The following TGS1 variants were observed in gnomAD, a reference collection of about 807,000 sequenced individuals.
TGS1 encodes trimethylguanosine synthase.
TGS1 carries 69 observed loss-of-function variants against 92.2 expected under a neutral mutation model. That is an observed-to-expected ratio of 0.75 (90% CI 0.62 to 0.91). TGS1 has a LOEUF of 0.91. Among genes scored for constraint, TGS1 ranks in the 40% least tolerant of loss-of-function variants. TGS1 has a pLI of 0.00. For synonymous variants in TGS1, 345 were observed against 338.1 expected, an observed-to-expected ratio of 1.02 and a Z score of -0.22; for missense variants, 1,062 against 1,001.2, an observed-to-expected ratio of 1.06 and a Z score of -0.82.
intron 1 of TGS1, among the ~76,000 whole-genome samples, chr8:55,775,326 C>G (rs953486974): frequency 3.3e-5 from 5 of 152,010 alleles, no homozygotes; most frequent in East Asian, 3.9e-4. Flanking sequence ...AGGGTCAAAA[C>G]CCGCAGGACT....
intron 12 of TGS1, among the ~76,000 whole-genome samples, chr8:55,815,245 T>C (rs1250762663): frequency 1.3e-5 from 2 of 152,222 alleles, no homozygotes; most frequent in African/African-American, 4.8e-5. Flanking sequence ...TGGTGATTCA[T>C]GTTTTTTTGC....
chr8:55,817,158 T>C (rs1038678764), intron 12 of TGS1, among the ~76,000 whole-genome samples: 1 of 152,208 alleles, frequency 6.6e-6, no homozygotes, highest in African/African-American at 2.4e-5. Context: ...CCACCACGCC[T>C]GGCCCTCATC....
At chr8:55,790,966 TTCTCTCTCTC>T (rs3058135) in intron 5 of TGS1, among the ~76,000 whole-genome samples, 1 of 149,580 alleles carries the variant, frequency 6.7e-6, no homozygotes, top group East Asian at 2.0e-4. Flanking sequence ...AATTCATATC[TTCTCTCTCTC>T]TCTCTCTCTC....
At chr8:55,822,361 C>T (rs765845104) in intron 12 of TGS1, among the ~76,000 whole-genome samples, 1 of 152,134 alleles carries the variant, frequency 6.6e-6, no homozygotes, top group Non-Finnish European at 1.5e-5. Context: ...TGAGCCACAG[C>T]GCCCGGCCTA....
rs931465840 is a variant in TGS1 at position 55,773,528 on chromosome 8, C to T, written c.-91C>T. 6 of 924,016 alleles carry T rather than the reference C, an allele frequency of 6.5e-6. No individual in the cohort carries two copies. The highest frequency in any genetic ancestry group is 1.6e-5 in the South Asian group (1 of 63,592). 57.2% of individuals were successfully genotyped at this position (924,016 alleles called of 1,614,324 possible). A position where few individuals can be genotyped will look rare whatever the true frequency, so the allele number is the denominator to read the frequency against. On this transcript the variant is annotated 5_prime_UTR_variant, in exon 1 of 13. Coordinates refer to ENST00000260129, the MANE Select transcript of TGS1 (RefSeq NM_024831.8). The stretch of plus-strand genomic sequence containing the variant: ...TATCTCCTCATCCAGGGCTTGCGGG[C>T]GAGGCCTGTTTTAAGTCTCCAGTAA...
chr8:55,815,980 C>G (rs1391128353), intron 12 of TGS1, among the ~76,000 whole-genome samples: 2 of 151,550 alleles, frequency 1.3e-5, no homozygotes, highest in Non-Finnish European at 2.9e-5. Flanking sequence ...TAGGGTTTCT[C>G]TCTGTCACGC....
At chr8:55,780,469 CCT>C (rs2130108025) in intron 1 of TGS1, among the ~76,000 whole-genome samples, 1 of 152,266 alleles carries the variant, frequency 6.6e-6, no homozygotes, top group East Asian at 1.9e-4. Context: ...CTCTGTGTGG[CCT>C]CAGGAGGCAC....
In TGS1 at chr8:55,773,484, G is replaced by C. The variant is rs1353226925; in HGVS notation, c.-135G>C. 1.7e-6 allele frequency: 1 copy of C among 597,814 alleles called. No individual in the cohort carries two copies. Among genetic ancestry groups the C allele is most frequent in the Non-Finnish European group, 2.8e-6 (1 of 361,158 alleles). The allele number at this position is 597,814 out of a possible 1,614,324, so 37.0% of individuals were successfully genotyped here. A position where few individuals can be genotyped will look rare whatever the true frequency, so the allele number is the denominator to read the frequency against. On this transcript the variant is annotated 5_prime_UTR_variant, in exon 1 of 13. Coordinates refer to ENST00000260129, the MANE Select transcript of TGS1 (RefSeq NM_024831.8). The stretch of plus-strand genomic sequence containing the variant: ...GCGTCCGGGCTAGTTCCCGGCGCGA[G>C]CGGCCGCGGGCCAGTTTCTATCTCC...
intron 12 of TGS1, among the ~76,000 whole-genome samples, chr8:55,818,564 G>T (rs2130252429): frequency 6.6e-6 from 1 of 152,302 alleles, no homozygotes; most frequent in Non-Finnish European, 1.5e-5. Flanking sequence ...TTTTCCCTTG[G>T]GAAGTTTGCT....
Position 55,785,138 on chromosome 8 carries a change from C to T in TGS1, c.167-581C>T, listed in dbSNP as rs557442838. On this transcript the variant is annotated intron_variant, in intron 2 of 12. Coordinates refer to ENST00000260129, the MANE Select transcript of TGS1 (RefSeq NM_024831.8). ...GGGGTGCAGTGGCACAATCTTGGCTCACTGCAACCTCTGTCTCCCAGGTTC... is the reference window on the plus strand; with the variant it reads ...GGGGTGCAGTGGCACAATCTTGGCTTACTGCAACCTCTGTCTCCCAGGTTC... Among the ~76,000 whole-genome samples the T allele has an allele frequency of 2.0e-5, 3 of 151,320 alleles. No homozygotes were observed. In the East Asian group the frequency reaches 5.8e-4, roughly 29 times the overall value.
chr8:55,822,969 G>C (rs542613148), intron 12 of TGS1, among the ~76,000 whole-genome samples: 1 of 152,172 alleles, frequency 6.6e-6, no homozygotes, highest in Non-Finnish European at 1.5e-5. Context: ...CTATAATTTT[G>C]CTGATTACAG....
intron 10 of TGS1, among the ~76,000 whole-genome samples, chr8:55,807,505 G>GT (rs1370643302): frequency 2.0e-5 from 3 of 149,508 alleles, no homozygotes; most frequent in Middle Eastern, 3.2e-3. Flanking sequence ...ATAAAGCAGG[G>GT]GTTTTTTTTT....
chr8:55,802,226 G>A (rs1237665922), intron 8 of TGS1, among the ~76,000 whole-genome samples: 1 of 152,104 alleles, frequency 6.6e-6, no homozygotes, highest in Non-Finnish European at 1.5e-5. Flanking sequence ...AATGAATGGA[G>A]CTTAAAGACC....
rs756899387 is a variant in TGS1 at position 55,786,290 on chromosome 8, A to G, written c.392A>G (p.Lys131Arg). Residue 131 changes from lysine to arginine, a missense_variant, in exon 4 of 13, where the codon AAG becomes AGG. Lys to Arg is a conservative substitution (Grantham distance 26). Coordinates refer to ENST00000260129, the MANE Select transcript of TGS1 (RefSeq NM_024831.8). ...KVKIKKKKHQ[K>R]KYLDEIVQES... is the part of the protein sequence containing the mutation. ...AAAATAAAAAAGAAAAAACATCAAAAGAAATACTTAGATGAAATTGTGCAA... is the reference window on the plus strand; with the variant it reads ...AAAATAAAAAAGAAAAAACATCAAAGGAAATACTTAGATGAAATTGTGCAA... 6.4e-7 allele frequency: 1 copy of G among 1,550,624 alleles called. No homozygotes were observed. Among genetic ancestry groups the G allele is most frequent in the Admixed American group, 2.0e-5 (1 of 50,182 alleles).
At chr8:55,783,088 G>C (rs375774089) in intron 2 of TGS1, among the ~76,000 whole-genome samples, 23 of 152,186 alleles carry the variant, frequency 1.5e-4, no homozygotes, top group African/African-American at 5.1e-4. Context: ...CATTAGATAA[G>C]AGCAACCTGG....
At chr8:55,819,945 C>T (rs964165316) in intron 12 of TGS1, among the ~76,000 whole-genome samples, 2 of 152,146 alleles carry the variant, frequency 1.3e-5, no homozygotes, top group African/African-American at 4.8e-5. Context: ...TAGTCACAGC[C>T]AGTATTTCAG....
chr8:55,789,517 T>G (rs1480968335), intron 4 of TGS1, among the ~76,000 whole-genome samples: 1 of 152,128 alleles, frequency 6.6e-6, no homozygotes, highest in Non-Finnish European at 1.5e-5. Flanking sequence ...TGGGCAGCTA[T>G]GAAGAAGTAG....
At chr8:55,823,736 G>C (rs1487944784) in intron 12 of TGS1, among the ~76,000 whole-genome samples, 1 of 152,068 alleles carries the variant, frequency 6.6e-6, no homozygotes, top group Non-Finnish European at 1.5e-5. Context: ...AAGGCTTTCA[G>C]GAAAGGGAAA....
Position 55,778,273 on chromosome 8 carries a change from T to TA in TGS1, c.102-4467dup, listed in dbSNP as rs5891588. Among the ~76,000 whole-genome samples the TA allele has an allele frequency of 1.6e-4, 24 of 151,964 alleles. 1 individual carries two copies. Among genetic ancestry groups the TA allele is most frequent in the Admixed American group, 1.3e-4 (2 of 15,258 alleles). The stretch of plus-strand genomic sequence containing the variant: ...CTGTCTCAGAGTCTCAGTAGTGGCC[T>TA]AAAAAAAATCACATAGCCAGTAAAT... On this transcript the variant is annotated intron_variant, in intron 1 of 12. Transcript: ENST00000260129.
Sources: gnomAD v4.1 joint callset for allele counts (sites outside exome capture counted in the v4.1 genomes callset) on GRCh38, gnomAD v4.1.1 for gene constraint, MANE v1.5 for transcripts, NCBI Gene and HGNC (gene_info 2026-07-23, HGNC 2026-07-21) for gene names.